Variants in PTGER3 observed in about 807,000 individuals in gnomAD.
PTGER3 encodes the protein prostaglandin E receptor 3.
PTGER3 carries 22 observed loss-of-function variants against 34.7 expected under a neutral mutation model. That is an observed-to-expected ratio of 0.63 (90% CI 0.45 to 0.91). The LOEUF is 0.91. Ranked by LOEUF, PTGER3 falls within the 40% of genes least tolerant of loss-of-function variation. PTGER3 has a pLI of 0.00. For synonymous variants in PTGER3, 241 were observed against 230.1 expected (o/e 1.05, Z -0.43); for missense variants, 468 against 519.4 (o/e 0.90, Z 0.96).
chr1:70,904,382 G>A (rs11209712), intron 4 of PTGER3, among the ~76,000 whole-genome samples: 3,522 of 152,302 alleles, frequency 0.023, 128 homozygotes, highest in African/African-American at 0.079. Context: ...TGGGTAACAG[G>A]TGGAGAGGTT....
chr1:70,952,631 C>A (rs1650872931), exon 4 of PTGER3: 1 of 1,058,690 alleles, frequency 9.4e-7, no homozygotes, highest in Non-Finnish European at 1.1e-6. Context: ...GAAAAAATTT[C>A]TGTTGACTAA....
At chr1:71,009,757 A>G in intron 2 of PTGER3, 1 of 985,196 alleles carries the variant, frequency 1.0e-6, no homozygotes, top group Non-Finnish European at 1.2e-6. Flanking sequence ...ATTTTTCCTG[A>G]TTAGACATAT....
At chr1:70,933,145 A>G (rs1361872400) in intron 4 of PTGER3, among the ~76,000 whole-genome samples, 1 of 152,188 alleles carries the variant, frequency 6.6e-6, no homozygotes, top group Non-Finnish European at 1.5e-5. Context: ...GTAAAGTAAT[A>G]CCTGGTATTT....
At chr1:70,943,847 G>GGAGAGAGAGGGAGAGAGA (rs1649974440) in intron 4 of PTGER3, among the ~76,000 whole-genome samples, 1 of 138,246 alleles carries the variant, frequency 7.2e-6, no homozygotes, top group African/African-American at 2.7e-5. Flanking sequence ...GGAGAGAGAG[G>GGAGAGAGAGGGAGAGAGA]GAGAGAGAGA....
chr1:70,937,942 A>C (rs888974863), intron 4 of PTGER3, among the ~76,000 whole-genome samples: 4 of 152,206 alleles, frequency 2.6e-5, no homozygotes, highest in Non-Finnish European at 5.9e-5. Context: ...GGTAAGAGTT[A>C]GTTCTTATTT....
chr1:70,970,667 A>T (rs1652982802), downstream of PTGER3: 1 of 193,438 alleles, frequency 5.2e-6, no homozygotes, highest in African/African-American at 2.4e-5. Flanking sequence ...TAAGCAAATG[A>T]GGGGACAGAA....
chr1:71,028,284 A>G (rs925734671), intron 1 of PTGER3, among the ~76,000 whole-genome samples: 2 of 152,056 alleles, frequency 1.3e-5, no homozygotes, highest in Non-Finnish European at 2.9e-5. Flanking sequence ...CTCCTGCTAG[A>G]AGTTAACCAG....
chr1:71,021,497 A>AGTACCTGTTGTGTTCTCTAGCCTAAGTT (rs1658416133), intron 1 of PTGER3, among the ~76,000 whole-genome samples: 2 of 152,034 alleles, frequency 1.3e-5, no homozygotes, highest in African/African-American at 4.8e-5. Flanking sequence ...TAGCTGGGTG[A>AGTACCTGTTGTGTTCTCTAGCCTAAGTT]CACACAAGTT....
chr1:70,994,985 A>G (rs1454580609), intron 2 of PTGER3, among the ~76,000 whole-genome samples: 1 of 152,102 alleles, frequency 6.6e-6, no homozygotes, highest in Non-Finnish European at 1.5e-5. Flanking sequence ...TCAAGAAGGT[A>G]ACCATCCAGT....
intron 4 of PTGER3, among the ~76,000 whole-genome samples, chr1:70,875,816 C>T (rs1025706152): frequency 6.6e-6 from 1 of 152,076 alleles, no homozygotes; most frequent in African/African-American, 2.4e-5. Context: ...CTTTTTATGG[C>T]TGTGTAATAT....
chr1:70,879,603 A>T (rs1176772465), intron 4 of PTGER3, among the ~76,000 whole-genome samples: 1 of 152,072 alleles, frequency 6.6e-6, no homozygotes, highest in Admixed American at 6.5e-5. Context: ...CTGAAATTAA[A>T]ATAGTTACCC....
At chr1:70,877,518 C>A (rs1161323460) in intron 4 of PTGER3, among the ~76,000 whole-genome samples, 2 of 152,108 alleles carry the variant, frequency 1.3e-5, no homozygotes, top group African/African-American at 4.8e-5. Context: ...GAGTAGATAT[C>A]TTTGTCTTGT....
At chr1:70,892,359 GAATAGTA>G (rs1646635978) in intron 4 of PTGER3, among the ~76,000 whole-genome samples, 1 of 152,176 alleles carries the variant, frequency 6.6e-6, no homozygotes, top group African/African-American at 2.4e-5. Flanking sequence ...GGCACAGAAT[GAATAGTA>G]AATGGTGACT....
Position 71,047,508 on chromosome 1 carries a change from T to C in PTGER3, c.70A>G (p.Met24Val), listed in dbSNP as rs762539715. Residue 24 changes from methionine (M) to valine (V), a missense_variant, in exon 1 of 4, where the codon ATG becomes GTG. Coordinates refer to ENST00000306666, the MANE Select transcript of PTGER3 (RefSeq NM_198719.2). ...TCGGCGGAACGCTCGGGCGCCCACATGCCTGTGTAGGAGTGGTTGAGGCGG... is the reference window on the plus strand; with the variant it reads ...TCGGCGGAACGCTCGGGCGCCCACACGCCTGTGTAGGAGTGGTTGAGGCGG... ...CTRLNHSYTG[M>V]WAPERSAEAR... 1.9e-6 allele frequency: 3 copies of C among 1,603,040 alleles called. No homozygotes were observed. The South Asian group carries it at 3.4e-5, about 18-fold the overall frequency.
At chr1:70,965,431 A>G (rs577729017) in intron 2 of PTGER3, among the ~76,000 whole-genome samples, 11 of 152,168 alleles carry the variant, frequency 7.2e-5, no homozygotes, top group Non-Finnish European at 1.5e-4. Context: ...GCCAGCAAAG[A>G]CGGAGGGGCA....
At chr1:70,918,898 A>T (rs1647283688) in intron 4 of PTGER3, among the ~76,000 whole-genome samples, 1 of 152,070 alleles carries the variant, frequency 6.6e-6, no homozygotes, top group East Asian at 1.9e-4. Context: ...TGAAGCAGAG[A>T]ATTAGGACAA....
At chr1:70,863,102 GGGCC>G (rs1375137842) in intron 4 of PTGER3, among the ~76,000 whole-genome samples, 1 of 151,754 alleles carries the variant, frequency 6.6e-6, no homozygotes, top group Non-Finnish European at 1.5e-5. Flanking sequence ...AAGAGATGAT[GGGCC>G]ATAACATGAG....
chr1:70,888,792 T>C (rs1341648060), intron 4 of PTGER3, among the ~76,000 whole-genome samples: 1 of 152,020 alleles, frequency 6.6e-6, no homozygotes, highest in Non-Finnish European at 1.5e-5. Context: ...GGGCATAAGA[T>C]GTAGTTGTGC....
At chr1:70,954,967 A>T (rs1308849408) in intron 2 of PTGER3, among the ~76,000 whole-genome samples, 2 of 152,186 alleles carry the variant, frequency 1.3e-5, no homozygotes, top group Non-Finnish European at 2.9e-5. Context: ...ACCTATATGA[A>T]AAAAGAGAGA....
Sources: allele counts gnomAD v4.1 joint callset (sites outside exome capture counted in the v4.1 genomes callset), GRCh38; gene constraint gnomAD v4.1.1; transcripts MANE v1.5; gene names NCBI Gene and HGNC (gene_info 2026-07-23, HGNC 2026-07-21).